The following CHRDL1 variants were observed in gnomAD, a reference collection of about 807,000 sequenced individuals.
CHRDL1 encodes the protein chordin-like protein 1.
A neutral mutation model predicts 40.9 loss-of-function variants in CHRDL1; 19 were observed. The observed-to-expected ratio is 0.46, with a 90% CI of 0.32 to 0.68. The LOEUF (loss-of-function observed/expected upper bound fraction) is 0.68, where lower values mean the gene tolerates loss of function less well. CHRDL1 is among the 30% of genes least tolerant of loss of function. CHRDL1 has a pLI of 0.03. For synonymous variants in CHRDL1, 136 were observed against 123.4 expected, an observed-to-expected ratio of 1.10 and a Z score of -0.68; for missense variants, 329 against 352.1, an observed-to-expected ratio of 0.93 and a Z score of 0.53.
chrX:110,720,322 A>T (rs1342961864), intron 5 of CHRDL1, among the ~76,000 whole-genome samples: 1 of 111,303 alleles, frequency 9.0e-6, no homozygotes, highest in Non-Finnish European at 1.9e-5. Context: ...TCCATTTGTA[A>T]TATTCACTAG....
intron 4 of CHRDL1, among the ~76,000 whole-genome samples, chrX:110,725,898 T>C (rs1356019103): frequency 1.8e-5 from 2 of 111,569 alleles, no homozygotes; most frequent in Non-Finnish European, 3.8e-5. Context: ...TTGCAGGCTA[T>C]TGGGAGGTGG....
In CHRDL1 at chrX:110,722,952, TA is replaced by T. The variant is rs1252682863; in HGVS notation, c.302-1423del. ...TAAGTTATACCTCAATACAACTGTTTAAAAAAAAACAGAATGGGCCAGGCGC... is the reference window on the plus strand; with the variant it reads ...TAAGTTATACCTCAATACAACTGTTTAAAAAAAACAGAATGGGCCAGGCGC... On this transcript the variant is annotated intron_variant, in intron 4 of 11. Transcript: ENST00000372042. 9.1e-5 allele frequency among the ~76,000 whole-genome samples: 10 copies of T among 109,526 alleles called. No homozygotes were observed. The South Asian group carries it at 3.5e-3, about 39-fold the overall frequency.
chrX:110,704,930 A>G (rs2070592433), intron 6 of CHRDL1, among the ~76,000 whole-genome samples: 1 of 111,499 alleles, frequency 9.0e-6, no homozygotes, highest in Non-Finnish European at 1.9e-5. Flanking sequence ...TAAAATGTAG[A>G]TTTAATGATT....
At position 110,719,884 on chromosome X, in the gene CHRDL1, G is replaced by A; in HGVS notation, c.492C>T (p.Thr164=). ...CTGGAACAGAGACTGGGAAGGCACAGGTTAATTTGGGGCAAGTCTTGAGAC... is the reference window on the plus strand; with the variant it reads ...CTGGAACAGAGACTGGGAAGGCACAAGTTAATTTGGGGCAAGTCTTGAGAC... ...YCGLKTCPKL[T]CAFPVSVPDS... The change falls in exon 6 of 12, where the codon ACC becomes ACT. Residue 164 remains threonine (T), a synonymous_variant. Coordinates refer to ENST00000372042, the MANE Select transcript of CHRDL1 (RefSeq NM_001143981.2). The A allele has an allele frequency of 1.7e-6, 2 of 1,206,534 alleles. No individual in the cohort carries two copies. Among genetic ancestry groups the A allele is most frequent in the Non-Finnish European group, 2.2e-6 (2 of 891,450 alleles).
intron 7 of CHRDL1, among the ~76,000 whole-genome samples, chrX:110,698,281 CTGATTTGAGACAAA>C (rs1307876809): frequency 1.6e-4 from 18 of 111,113 alleles, no homozygotes; most frequent in Non-Finnish European, 1.9e-5. Context: ...GAGTTTATCT[CTGATTTGAGACAAA>C]TTCCTGTGCA....
chrX:110,714,894 T>C (rs1475365106), intron 6 of CHRDL1, among the ~76,000 whole-genome samples: 2 of 111,846 alleles, frequency 1.8e-5, no homozygotes, highest in African/African-American at 3.2e-5. Context: ...TTATATAAGA[T>C]ACAGTATTGT....
Position 110,676,180 on chromosome X carries a change from G to GCTGCAGCTGGA in CHRDL1, c.*50_*51insTCCAGCTGCAG. On this transcript the variant is annotated 3_prime_UTR_variant, in exon 12 of 12. Transcript: ENST00000372042. Reference sequence around the variant, plus strand: ...TTAAGCAAAATAAGCCTGCAGTCCAGCTGCAGCTTGAGTTTTCTTGCTTTA... The same window carrying GCTGCAGCTGGA: ...TTAAGCAAAATAAGCCTGCAGTCCAGCTGCAGCTGGACTGCAGCTTGAGTTTTCTTGCTTTA... 1 of 1,161,496 alleles carries GCTGCAGCTGGA rather than the reference G, an allele frequency of 8.6e-7. No homozygotes were observed. The highest frequency in any genetic ancestry group is 1.2e-6 in the Non-Finnish European group (1 of 864,098).
intron 4 of CHRDL1, among the ~76,000 whole-genome samples, chrX:110,741,717 T>C (rs2071363484): frequency 8.9e-6 from 1 of 111,919 alleles, no homozygotes; most frequent in African/African-American, 3.3e-5. Flanking sequence ...GTCCTTGGCA[T>C]CTGATGACTA....
chrX:110,716,256 T>A (rs914383932), intron 6 of CHRDL1, among the ~76,000 whole-genome samples: 2 of 110,718 alleles, frequency 1.8e-5, no homozygotes, highest in African/African-American at 6.6e-5. Flanking sequence ...AATCAGTAAT[T>A]CAGGGGGAAA....
chrX:110,736,822 C>T (rs1485342729), intron 4 of CHRDL1, among the ~76,000 whole-genome samples: 1 of 112,003 alleles, frequency 8.9e-6, no homozygotes, highest in Non-Finnish European at 1.9e-5. Context: ...CTGGCTCATG[C>T]TTACACTGAG....
rs368475565 is a variant in CHRDL1, at chrX:110,679,446, G to T, written c.1157-21C>A. The T allele has an allele frequency of 7.5e-6, 8 of 1,068,761 alleles. No homozygotes were observed. The African/African-American group carries it at 1.5e-4, about 20-fold the overall frequency. 88.1% of individuals were successfully genotyped at this position (1,068,761 alleles called of 1,213,427 possible). ...AATGCCTAGGGCCAAGCAAAAAGTG[G>T]AGCAAATGGTCAGGCACTCAATCTG... On this transcript the variant is annotated intron_variant, in intron 10 of 11. Coordinates refer to ENST00000372042, the MANE Select transcript of CHRDL1 (RefSeq NM_001143981.2).
intron 4 of CHRDL1, among the ~76,000 whole-genome samples, chrX:110,734,778 C>T (rs921045705): frequency 4.5e-5 from 5 of 111,859 alleles, no homozygotes; most frequent in African/African-American, 1.3e-4. Context: ...GATTATGTAG[C>T]CCAACAAAAA....
At chrX:110,683,651 T>C (rs1338570606) in intron 9 of CHRDL1, among the ~76,000 whole-genome samples, 1 of 111,797 alleles carries the variant, frequency 8.9e-6, no homozygotes, top group Non-Finnish European at 1.9e-5. Context: ...AGAATGACCC[T>C]GTATGGCAGA....
intron 10 of CHRDL1, among the ~76,000 whole-genome samples, chrX:110,679,724 C>CT (rs1312960079): frequency 9.0e-6 from 1 of 111,601 alleles, no homozygotes; most frequent in Non-Finnish European, 1.9e-5. Flanking sequence ...AGCATAAGTG[C>CT]TTACTGGAGC....
At chrX:110,744,961 T>TCA (rs530325738) in intron 4 of CHRDL1, among the ~76,000 whole-genome samples, 6,398 of 84,125 alleles carry the variant, frequency 0.076, 196 homozygotes, top group South Asian at 0.12. Flanking sequence ...TCTCTCTCAT[T>TCA]CACACACACA....
intron 2 of CHRDL1, among the ~76,000 whole-genome samples, chrX:110,763,564 C>T (rs958445044): frequency 1.9e-5 from 2 of 105,308 alleles, no homozygotes; most frequent in African/African-American, 7.3e-5. Flanking sequence ...TATATACACA[C>T]ACATACTGAC....
intron 2 of CHRDL1, among the ~76,000 whole-genome samples, chrX:110,764,557 CAT>C (rs1310864081): frequency 3.6e-5 from 4 of 111,795 alleles, no homozygotes; most frequent in African/African-American, 9.8e-5. Context: ...GACTGTAAAA[CAT>C]GTGGGTTTGA....
intron 7 of CHRDL1, among the ~76,000 whole-genome samples, 159 bp from the exon 8 acceptor site, chrX:110,694,490 T>A (rs1430157899): frequency 8.9e-6 from 1 of 112,203 alleles, no homozygotes; most frequent in East Asian, 2.8e-4. Flanking sequence ...GATGTGGTCA[T>A]GTACAAGCAG....
At chrX:110,699,437 C>T (rs1217100139) in intron 7 of CHRDL1, among the ~76,000 whole-genome samples, 3 of 111,894 alleles carry the variant, frequency 2.7e-5, no homozygotes, top group Admixed American at 9.6e-5. Context: ...ATATTCAATC[C>T]TTGCTGAGAT....
Sources: allele counts gnomAD v4.1 joint callset (sites outside exome capture counted in the v4.1 genomes callset), GRCh38; gene constraint gnomAD v4.1.1; transcripts MANE v1.5; gene names NCBI Gene and HGNC (gene_info 2026-07-23, HGNC 2026-07-21).